APBA2: variants seen among roughly 807,000 people sequenced by gnomAD.
The protein encoded by APBA2 is amyloid beta precursor protein binding family A member 2.
In APBA2, 30 loss-of-function variants were observed where a neutral mutation model predicts 75.0. That is an observed-to-expected ratio of 0.40 (90% confidence interval 0.30 to 0.54). The LOEUF is 0.54. Among genes scored for constraint, APBA2 ranks in the 20% least tolerant of loss-of-function variants. The pLI, the probability that APBA2 is intolerant of heterozygous loss-of-function variation, is 0.49. For synonymous variants in APBA2, 444 were observed against 409.6 expected, an observed-to-expected ratio of 1.08 and a Z score of -1.01; for missense variants, 801 against 1,016.1, an observed-to-expected ratio of 0.79 and a Z score of 2.88.
chr15:29,102,815 C>T (rs1225020118), intron 10 of APBA2: 1 of 151,950 alleles, frequency 6.6e-6, no homozygotes, highest in African/African-American at 2.4e-5. Context: ...TTCTTTTTCA[C>T]ATAAGGACTT....
In APBA2 at chr15:29,086,382, T is replaced by G. The variant is rs80218913; in HGVS notation, c.1070-6693T>G. Among the ~76,000 whole-genome samples the G allele has an allele frequency of 6.0e-3, 909 of 152,348 alleles. 8 individuals carry two copies. Among genetic ancestry groups the G allele is most frequent in the African/African-American group, 0.021 (879 of 41,572 alleles). On this transcript the variant is annotated intron_variant, in intron 6 of 14. Coordinates refer to ENST00000683413, the MANE Select transcript of APBA2 (RefSeq NM_001353788.2). The stretch of plus-strand genomic sequence containing the variant: ...CTCTCAGATAATCCACGGTTGTTGT[T>G]TTGAGCCACTAAATTCCCGAGTAAT...
Position 28,918,514 on chromosome 15 carries a change from T to C in APBA2, c.-204-3126T>C, listed in dbSNP as rs987479137. On this transcript the variant is annotated intron_variant, in intron 1 of 14. Transcript: ENST00000683413. This position sits in a 1 kb window ranked among gnomAD's most constrained non-coding sequence, Gnocchi z 4.2. ...CCACTGCAAGGAGGAATCCCGGTGC[T>C]CTTCTCCACCAGCCTTCCCTTTGGT... Among the ~76,000 whole-genome samples, 1 of 152,100 alleles carries C rather than the reference T, an allele frequency of 6.6e-6. No homozygotes were observed. The highest frequency in any genetic ancestry group is 1.5e-5 in the Non-Finnish European group (1 of 68,006).
At chr15:29,033,614 TAAC>T (rs1595782804) in intron 3 of APBA2, among the ~76,000 whole-genome samples, 1 of 152,046 alleles carries the variant, frequency 6.6e-6, no homozygotes, top group African/African-American at 2.4e-5. Flanking sequence ...CCATTATACT[TAAC>T]AATGACAGTT....
chr15:28,935,618 GGACTGGCATGAGGAGGCAGAGGA>G (rs2034818308), intron 2 of APBA2, among the ~76,000 whole-genome samples: 1 of 152,194 alleles, frequency 6.6e-6, no homozygotes, highest in South Asian at 2.1e-4. Context: ...TCAATCTGCA[GGACTGGCATGAGGAGGCAGAGGA>G]GTCAGCCAAG....
chr15:29,010,015 C>T (rs1417851415), intron 3 of APBA2, among the ~76,000 whole-genome samples: 1 of 152,160 alleles, frequency 6.6e-6, no homozygotes, highest in African/African-American at 2.4e-5. Context: ...AATTACACTC[C>T]CACCTGCAAA....
At chr15:28,954,138 C>T (rs919095413) in intron 2 of APBA2, among the ~76,000 whole-genome samples, 2 of 152,114 alleles carry the variant, frequency 1.3e-5, no homozygotes, top group Non-Finnish European at 1.5e-5. Flanking sequence ...GAATCTGTTC[C>T]GTAAGCTGCC....
intron 3 of APBA2, among the ~76,000 whole-genome samples, chr15:29,001,223 A>AT (rs1168989477): frequency 3.3e-5 from 5 of 151,224 alleles, no homozygotes; most frequent in East Asian, 3.9e-4. Context: ...TTATTTATTT[A>AT]TTTTTTTTGA....
intron 2 of APBA2, among the ~76,000 whole-genome samples, chr15:28,929,729 C>T (rs1390835374): frequency 6.6e-6 from 1 of 152,202 alleles, no homozygotes; most frequent in Non-Finnish European, 1.5e-5. Context: ...CTTGGGTGCA[C>T]ATTGCAATAA....
chr15:29,095,075 AAAAAAAAGAAAC>A (rs2043785335), intron 8 of APBA2, among the ~76,000 whole-genome samples: 1 of 151,854 alleles, frequency 6.6e-6, no homozygotes, highest in South Asian at 2.1e-4. Context: ...TCTTAAAGAA[AAAAAAAAGAAAC>A]AAAAAAAGAA....
chr15:28,953,572 C>T (rs1333765599), intron 2 of APBA2, among the ~76,000 whole-genome samples: 1 of 152,160 alleles, frequency 6.6e-6, no homozygotes, highest in Non-Finnish European at 1.5e-5. Context: ...CCTCTCCTGA[C>T]ACTTTTGACC....
At chr15:29,053,422 G>A (rs1322177816) in intron 3 of APBA2, among the ~76,000 whole-genome samples, 1 of 152,182 alleles carries the variant, frequency 6.6e-6, no homozygotes, top group Non-Finnish European at 1.5e-5. Flanking sequence ...AGATTGGGAA[G>A]AGTTATTGTC....
chr15:28,969,429 C>G (rs915394491), intron 2 of APBA2, among the ~76,000 whole-genome samples: 15 of 152,086 alleles, frequency 9.9e-5, no homozygotes, highest in African/African-American at 3.1e-4. Flanking sequence ...ATCTGCCCAC[C>G]TTGGCCTCCC....
intron 14 of APBA2, 79 bp downstream of exon 14, chr15:29,114,095 C>A: frequency 6.3e-7 from 1 of 1,594,662 alleles, no homozygotes; most frequent in Non-Finnish European, 8.6e-7. Flanking sequence ...CTCCCCCGCT[C>A]CAGAGGACAC....
chr15:28,906,749 A>G (rs987887750), intron 1 of APBA2, among the ~76,000 whole-genome samples: 1 of 152,196 alleles, frequency 6.6e-6, no homozygotes, highest in Admixed American at 6.5e-5. Context: ...ATTGTGAATG[A>G]CAACAAGCTG....
At chr15:29,041,939 A>G (rs1449523633) in intron 3 of APBA2, among the ~76,000 whole-genome samples, 1 of 152,194 alleles carries the variant, frequency 6.6e-6, no homozygotes, top group Non-Finnish European at 1.5e-5. Context: ...TTAGTTCTCT[A>G]GGGCTGCTGT....
chr15:28,973,598 G>A (rs890317522), intron 2 of APBA2, among the ~76,000 whole-genome samples: 2 of 152,148 alleles, frequency 1.3e-5, no homozygotes, highest in African/African-American at 4.8e-5. Flanking sequence ...AAACTTTGGC[G>A]AAGGCACTGA....
chr15:29,027,527 A>G (rs1328843600), intron 3 of APBA2, among the ~76,000 whole-genome samples: 1 of 151,698 alleles, frequency 6.6e-6, no homozygotes, highest in Non-Finnish European at 1.5e-5. Flanking sequence ...GATTTGTCTT[A>G]TGATATGTAT....
chr15:29,067,948 C>G (rs2042447904), intron 4 of APBA2, among the ~76,000 whole-genome samples: 1 of 152,106 alleles, frequency 6.6e-6, no homozygotes. Flanking sequence ...AGAGATGTGG[C>G]CTACATAAAT....
intron 1 of APBA2, among the ~76,000 whole-genome samples, chr15:28,914,913 A>T (rs1344395653): frequency 6.6e-6 from 1 of 151,628 alleles, no homozygotes; most frequent in African/African-American, 2.4e-5. Context: ...ACAGGTGTGC[A>T]TGTGTGTGCA....
Sources: allele counts gnomAD v4.1 joint callset (sites outside exome capture counted in the v4.1 genomes callset), GRCh38; gene constraint gnomAD v4.1.1; non-coding constraint Gnocchi (gnomAD v3.1); transcripts MANE v1.5; gene names NCBI Gene and HGNC (gene_info 2026-07-23, HGNC 2026-07-21).